Variants in PLPP3 observed in about 807,000 individuals in gnomAD.
PLPP3 encodes the protein PAP2 beta.
A neutral mutation model predicts 29.6 loss-of-function variants in PLPP3; 6 were observed. That is an observed-to-expected ratio of 0.20 (90% CI 0.11 to 0.40). PLPP3 has a LOEUF of 0.40. Among genes scored for constraint, PLPP3 ranks in the 10% least tolerant of loss-of-function variants. The pLI is 1.00. For synonymous variants in PLPP3, 152 were observed against 159.7 expected (o/e 0.95, Z 0.36); for missense variants, 308 against 407.7 (o/e 0.76, Z 2.11).
At position 56,523,731 on chromosome 1, in the gene PLPP3, T is replaced by C; in HGVS notation, c.633+92A>G. 4 of 1,372,248 alleles carry C rather than the reference T, an allele frequency of 2.9e-6. No individual in the cohort carries two copies. The South Asian group carries it at 3.6e-5, about 12-fold the overall frequency. The allele number at this position is 1,372,248 out of a possible 1,614,324, so 85.0% of individuals were successfully genotyped here. On this transcript the variant is annotated intron_variant, in intron 4 of 5. Coordinates refer to ENST00000371250, the MANE Select transcript of PLPP3 (RefSeq NM_003713.5). Reference sequence around the variant, plus strand: ...CTCTTTTTCAAGGATTTCACAGTGATGGCATGCCCCTAAACTATTTTGAGG... The same window carrying C: ...CTCTTTTTCAAGGATTTCACAGTGACGGCATGCCCCTAAACTATTTTGAGG...
In PLPP3 at chr1:56,564,439, A is replaced by G. The variant is rs564604217; in HGVS notation, c.139+14439T>C. Among the ~76,000 whole-genome samples, 33 of 152,330 alleles carry G rather than the reference A, an allele frequency of 2.2e-4. No individual in the cohort carries two copies. The South Asian group carries it at 6.8e-3, about 32-fold the overall frequency. On this transcript the variant is annotated intron_variant, in intron 1 of 5. Transcript: ENST00000371250. Reference sequence around the variant, plus strand: ...GAAAAATTAATTGAGGCAAGAAAGAATATATAAATTCAAACTCTCAGATGC... The same window carrying G: ...GAAAAATTAATTGAGGCAAGAAAGAGTATATAAATTCAAACTCTCAGATGC...
At chr1:56,544,620 T>C (rs773828206) in intron 1 of PLPP3, among the ~76,000 whole-genome samples, 3 of 152,232 alleles carry the variant, frequency 2.0e-5, no homozygotes, top group Non-Finnish European at 4.4e-5. Context: ...GAGGTTGTAA[T>C]TTGTTTCAGT....
chr1:56,511,517 C>T (rs1008689867), intron 5 of PLPP3, among the ~76,000 whole-genome samples: 15 of 152,074 alleles, frequency 9.9e-5, no homozygotes, highest in Non-Finnish European at 5.9e-5. Context: ...CGGAGAAGTC[C>T]CATTGCGTAC....
At chr1:56,574,270 G>C (rs2100313052) in intron 1 of PLPP3, among the ~76,000 whole-genome samples, 1 of 151,784 alleles carries the variant, frequency 6.6e-6, no homozygotes, top group Non-Finnish European at 1.5e-5. Flanking sequence ...AAAGTCAACA[G>C]GGCTTACCTA....
chr1:56,508,420 TA>T (rs922921627), intron 5 of PLPP3, among the ~76,000 whole-genome samples: 3 of 152,190 alleles, frequency 2.0e-5, no homozygotes, highest in African/African-American at 7.2e-5. Flanking sequence ...AGGGAGTCCG[TA>T]AAGGCTTGGC....
At position 56,495,606 on chromosome 1, in the gene PLPP3, C is replaced by A. The variant is rs897556754; in HGVS notation, c.*945G>T. 2 of 152,710 alleles carry A rather than the reference C, an allele frequency of 1.3e-5. No homozygotes were observed. Among genetic ancestry groups the A allele is most frequent in the African/African-American group, 4.8e-5 (2 of 41,454 alleles). 9.5% of individuals were successfully genotyped at this position (152,710 alleles called of 1,614,324 possible). ...AAAGGTTGGTTCGATTTTCATTCTG[C>A]CCCCTTCACCCTCCCATCTGTTGTA... On this transcript the variant is annotated 3_prime_UTR_variant, in exon 6 of 6. Coordinates refer to ENST00000371250, the MANE Select transcript of PLPP3 (RefSeq NM_003713.5).
chr1:56,579,100 T>G lies in PLPP3; in HGVS notation c.-84A>C. 1.3e-6 allele frequency: 2 copies of G among 1,537,896 alleles called. No homozygotes were observed. Reference sequence around the variant, plus strand: ...ACACCCAGGCGCCCGGGTCGCCTCCTGGCCGAGGCTGCTGCGGATAGTGGC... The same window carrying G: ...ACACCCAGGCGCCCGGGTCGCCTCCGGGCCGAGGCTGCTGCGGATAGTGGC... On this transcript the variant is annotated 5_prime_UTR_variant, in exon 1 of 6. Coordinates refer to ENST00000371250, the MANE Select transcript of PLPP3 (RefSeq NM_003713.5).
intron 1 of PLPP3, among the ~76,000 whole-genome samples, chr1:56,553,053 G>A (rs369785394): frequency 1.3e-5 from 2 of 152,206 alleles, no homozygotes; most frequent in South Asian, 2.1e-4. Flanking sequence ...TTCATCCTAG[G>A]GCCTTCATCA....
chr1:56,541,966 CAA>C (rs71813861), intron 1 of PLPP3, among the ~76,000 whole-genome samples: 38,130 of 126,562 alleles, frequency 0.3, 5,447 homozygotes, highest in East Asian at 0.55. Context: ...AAAGCATGAC[CAA>C]AAAAAAAAAA....
intron 1 of PLPP3, among the ~76,000 whole-genome samples, chr1:56,546,451 T>C (rs1038618919): frequency 6.6e-6 from 1 of 152,204 alleles, no homozygotes; most frequent in African/African-American, 2.4e-5. Flanking sequence ...ATGTCTCCCA[T>C]AGTAAGTAAT....
chr1:56,526,577 T>A (rs767065130), intron 2 of PLPP3, among the ~76,000 whole-genome samples: 2 of 152,206 alleles, frequency 1.3e-5, no homozygotes, highest in East Asian at 1.9e-4. Context: ...TCTTCCTTAT[T>A]TATAAGTCAT....
chr1:56,568,656 C>T (rs1207288796), intron 1 of PLPP3, among the ~76,000 whole-genome samples: 1 of 152,282 alleles, frequency 6.6e-6, no homozygotes, highest in South Asian at 2.1e-4. Context: ...AGACGAGTCT[C>T]GCTCTGTCGC....
intron 1 of PLPP3, among the ~76,000 whole-genome samples, chr1:56,578,563 G>A (rs943865869): frequency 2.0e-5 from 3 of 152,208 alleles, no homozygotes; most frequent in Non-Finnish European, 4.4e-5. Flanking sequence ...ACGCTAAAAG[G>A]ACGAACCCAC....
rs1317796421 is a variant in PLPP3, at chr1:56,557,038, G to A, written c.140-19926C>T. Among the ~76,000 whole-genome samples, 70 of 27,422 alleles carry A rather than the reference G, an allele frequency of 2.6e-3. 18 individuals are homozygous for A. Among genetic ancestry groups the A allele is most frequent in the African/African-American group, 5.5e-3 (61 of 11,072 alleles). 18.0% of individuals were successfully genotyped at this position (27,422 alleles called of 152,430 possible). On this transcript the variant is annotated intron_variant, in intron 1 of 5. Coordinates refer to ENST00000371250, the MANE Select transcript of PLPP3 (RefSeq NM_003713.5). ...AGAGAGAGAGAGAAAGAGAGAGAGA[G>A]AGAGAGAGAGAGAGAGAGAGAAAGA...
chr1:56,509,206 A>G (rs898123870), intron 5 of PLPP3, among the ~76,000 whole-genome samples: 8 of 152,142 alleles, frequency 5.3e-5, no homozygotes, highest in Admixed American at 1.3e-4. Context: ...AGGGAAAGAG[A>G]TTTATCACCC....
chr1:56,562,650 C>T (rs1399316706), intron 1 of PLPP3, among the ~76,000 whole-genome samples: 3 of 152,170 alleles, frequency 2.0e-5, no homozygotes, highest in South Asian at 4.1e-4. Flanking sequence ...TTATCATTCA[C>T]AAAATAGAAA....
intron 5 of PLPP3, among the ~76,000 whole-genome samples, chr1:56,501,177 T>C (rs2100219959): frequency 6.6e-6 from 1 of 152,206 alleles, no homozygotes; most frequent in East Asian, 1.9e-4. Flanking sequence ...TTTGAAATGT[T>C]GAGGACAGGA....
chr1:56,555,580 G>A (rs1014834624), intron 1 of PLPP3, among the ~76,000 whole-genome samples: 1 of 151,978 alleles, frequency 6.6e-6, no homozygotes, highest in African/African-American at 2.4e-5. Flanking sequence ...CAATTACCAG[G>A]GAATTATTGG....
At chr1:56,538,670 G>T in intron 1 of PLPP3, 1 of 290,758 alleles carries the variant, frequency 3.4e-6, no homozygotes, top group Non-Finnish European at 6.7e-6. Flanking sequence ...CATGCCGTTG[G>T]TACTGTTGTA....
Sources: allele counts gnomAD v4.1 joint callset (sites outside exome capture counted in the v4.1 genomes callset), GRCh38; gene constraint gnomAD v4.1.1; transcripts MANE v1.5; gene names NCBI Gene and HGNC (gene_info 2026-07-23, HGNC 2026-07-21).